RGS5: variants seen among roughly 807,000 people sequenced by gnomAD.
RGS5 encodes regulator of G protein signaling 5.
Under a neutral mutation model 18.9 loss-of-function variants are expected in RGS5, and 20 were observed. The ratio of observed to expected loss-of-function variants is 1.06; its 90% CI spans 0.74 to 1.54. The LOEUF is 1.54. Among genes scored for constraint, RGS5 ranks in the 40% most tolerant of loss-of-function variants. RGS5 has a pLI of 0.00. For missense variants in RGS5, 201 were observed against 211.8 expected (o/e 0.95, Z 0.32); for synonymous variants, 57 against 76.2 (o/e 0.75, Z 1.31).
intron 2 of RGS5, among the ~76,000 whole-genome samples, chr1:163,299,257 T>C (rs1465827004): frequency 1.3e-5 from 2 of 152,220 alleles, no homozygotes; most frequent in Admixed American, 6.5e-5. Flanking sequence ...TCTTTATTGC[T>C]GTATTTTATA....
intron 2 of RGS5, among the ~76,000 whole-genome samples, chr1:163,278,421 TA>T (rs1209713957): frequency 2.0e-5 from 3 of 151,994 alleles, no homozygotes; most frequent in African/African-American, 7.2e-5. Context: ...CTCAGACAAG[TA>T]AAAACTGAGA....
At chr1:163,299,015 T>C (rs1649491588) in intron 2 of RGS5, among the ~76,000 whole-genome samples, 1 of 152,178 alleles carries the variant, frequency 6.6e-6, no homozygotes, top group African/African-American at 2.4e-5. Flanking sequence ...TTTGTGTTTC[T>C]CACAGCCCTG....
At chr1:163,320,018 ATAAC>A (rs1455970677) in intron 1 of RGS5, among the ~76,000 whole-genome samples, 5 of 152,210 alleles carry the variant, frequency 3.3e-5, no homozygotes, top group African/African-American at 1.2e-4. Flanking sequence ...TACTTCTAAT[ATAAC>A]TCAATTTATC....
At chr1:163,220,515 AG>A (rs1250717289), upstream of RGS5, among the ~76,000 whole-genome samples, 1 of 152,110 alleles carries the variant, frequency 6.6e-6, no homozygotes, top group Non-Finnish European at 1.5e-5. Flanking sequence ...CAAAAAGTCT[AG>A]CTCTTTGATT....
chr1:163,279,036 G>A (rs1648927987), intron 2 of RGS5, among the ~76,000 whole-genome samples: 1 of 151,968 alleles, frequency 6.6e-6, no homozygotes, highest in African/African-American at 2.4e-5. Context: ...AATATTATTC[G>A]AGCTAAAGAC....
chr1:163,314,847 T>A (rs762606023), intron 1 of RGS5, among the ~76,000 whole-genome samples: 25 of 152,124 alleles, frequency 1.6e-4, no homozygotes, highest in Non-Finnish European at 3.4e-4. Flanking sequence ...GAAGATGCCA[T>A]GTATGAACCA....
chr1:163,155,377 A>G (rs1657540537), intron 3 of RGS5, among the ~76,000 whole-genome samples: 2 of 152,166 alleles, frequency 1.3e-5, no homozygotes, highest in Non-Finnish European at 1.5e-5. Flanking sequence ...CCTGGATACT[A>G]ATTTTGTAAC....
intron 2 of RGS5, among the ~76,000 whole-genome samples, chr1:163,239,850 A>G (rs1647739510): frequency 6.6e-6 from 1 of 152,232 alleles, no homozygotes; most frequent in African/African-American, 2.4e-5. Flanking sequence ...TTTGCATAAC[A>G]TGGCACTAAG....
At chr1:163,284,629 T>C (rs1649097051) in intron 2 of RGS5, among the ~76,000 whole-genome samples, 1 of 152,164 alleles carries the variant, frequency 6.6e-6, no homozygotes, top group South Asian at 2.1e-4. Context: ...GCCAACCCTA[T>C]GCTTTTTGCT....
intron 3 of RGS5, among the ~76,000 whole-genome samples, chr1:163,157,157 G>C (rs16849933): frequency 0.21 from 31,600 of 152,044 alleles, 5,432 homozygotes; most frequent in African/African-American, 0.47. Context: ...GAAACTCCTA[G>C]GGAAGGGAGA....
intron 3 of RGS5, among the ~76,000 whole-genome samples, chr1:163,157,320 G>A (rs755675868): frequency 1.3e-5 from 2 of 152,158 alleles, no homozygotes; most frequent in Admixed American, 6.5e-5. Context: ...TACGCCCAAC[G>A]TGCCTATGAA....
chr1:163,190,953 A>C (rs1446475037), intron 1 of RGS5, among the ~76,000 whole-genome samples: 1 of 152,086 alleles, frequency 6.6e-6, no homozygotes, highest in Non-Finnish European at 1.5e-5. Context: ...TGACCATCAG[A>C]AGTCCCTTTC....
In RGS5 at chr1:163,143,014, CTG is replaced by C. The variant is rs988071880; in HGVS notation, c.*4326_*4327del. 2.6e-5 allele frequency: 4 copies of C among 152,198 alleles called. No individual in the cohort carries two copies. Among genetic ancestry groups the C allele is most frequent in the Non-Finnish European group, 2.9e-5 (2 of 68,040 alleles). The allele number at this position is 152,198 out of a possible 1,614,324, so 9.4% of individuals were successfully genotyped here. On this transcript the variant is annotated 3_prime_UTR_variant, in exon 5 of 5. Coordinates refer to ENST00000313961, the MANE Select transcript of RGS5 (RefSeq NM_003617.4). The stretch of plus-strand genomic sequence containing the variant: ...TGTTGCCGTGGCCTGTGACTCTCTG[CTG>C]TAAGTTTCCATTCAAAGCCAGGAGT...
chr1:163,297,687 A>G (rs1287026864), intron 2 of RGS5, among the ~76,000 whole-genome samples: 1 of 152,138 alleles, frequency 6.6e-6, no homozygotes, highest in Non-Finnish European at 1.5e-5. Context: ...TGAAGTATAC[A>G]TTTTAATAAA....
At chr1:163,246,176 G>C (rs371597528) in intron 2 of RGS5, among the ~76,000 whole-genome samples, 3 of 151,138 alleles carry the variant, frequency 2.0e-5, no homozygotes, top group Non-Finnish European at 2.9e-5. Context: ...AGCCAAGATC[G>C]CGCCACTGCA....
intron 3 of RGS5, among the ~76,000 whole-genome samples, chr1:163,156,863 A>G (rs1479352872): frequency 6.6e-6 from 1 of 152,226 alleles, no homozygotes; most frequent in African/African-American, 2.4e-5. Context: ...TCATTAAATT[A>G]ACATATGCAA....
intron 1 of RGS5, among the ~76,000 whole-genome samples, chr1:163,214,744 G>A (rs764460317): frequency 6.6e-6 from 1 of 151,940 alleles, no homozygotes; most frequent in Non-Finnish European, 1.5e-5. Flanking sequence ...TAATTTTTGT[G>A]TTATTGTTGC....
upstream of RGS5, among the ~76,000 whole-genome samples, chr1:163,221,103 T>C (rs1002239881): frequency 1.3e-5 from 2 of 152,192 alleles, no homozygotes; most frequent in African/African-American, 4.8e-5. Flanking sequence ...TGGTCAGCCC[T>C]TCCCACCATT....
chr1:163,203,565 T>C (rs1659857745), upstream of RGS5, among the ~76,000 whole-genome samples: 1 of 152,186 alleles, frequency 6.6e-6, no homozygotes, highest in African/African-American at 2.4e-5. Flanking sequence ...AAAACAAATA[T>C]GAATAATTAC....
Sources: allele counts gnomAD v4.1 joint callset (sites outside exome capture counted in the v4.1 genomes callset), GRCh38; gene constraint gnomAD v4.1.1; transcripts MANE v1.5; gene names NCBI Gene and HGNC (gene_info 2026-07-23, HGNC 2026-07-21).